Variants in ITCH observed in about 807,000 individuals in gnomAD.
The protein encoded by ITCH is itchy E3 ubiquitin protein ligase.
A neutral mutation model predicts 126.8 loss-of-function variants in ITCH; 28 were observed. The observed-to-expected ratio is 0.22, with a 90% CI of 0.16 to 0.30. The LOEUF (loss-of-function observed/expected upper bound fraction) is 0.30, where lower values mean the gene tolerates loss of function less well. Ranked by LOEUF, ITCH falls within the 10% of genes least tolerant of loss-of-function variation. The pLI is 1.00. For missense variants in ITCH, 631 were observed against 1,032.4 expected (o/e 0.61, Z 5.33); for synonymous variants, 342 against 340.0 (o/e 1.01, Z -0.06).
intron 2 of ITCH, among the ~76,000 whole-genome samples, chr20:34,373,651 C>T (rs1269545308): frequency 1.3e-5 from 2 of 152,058 alleles, no homozygotes; most frequent in Non-Finnish European, 2.9e-5. Context: ...CCTCCAGCAA[C>T]TCGCATTTTT....
At chr20:34,381,545 G>C (rs1390925323) in intron 2 of ITCH, among the ~76,000 whole-genome samples, 3 of 151,898 alleles carry the variant, frequency 2.0e-5, no homozygotes, top group Admixed American at 6.6e-5. Flanking sequence ...TCCTGCCTCA[G>C]ACTCCCGGGT....
At chr20:34,381,862 T>A (rs1176848492) in intron 2 of ITCH, among the ~76,000 whole-genome samples, 10 of 146,734 alleles carry the variant, frequency 6.8e-5, no homozygotes, top group Middle Eastern at 3.5e-3. Flanking sequence ...AGTCCCTGTC[T>A]CTAAAAAAAA....
chr20:34,494,776 T>C (rs2146527576), intron 23 of ITCH, among the ~76,000 whole-genome samples: 1 of 151,270 alleles, frequency 6.6e-6, no homozygotes, highest in South Asian at 2.1e-4. Context: ...CTGGGCAATA[T>C]AGGGAAACCC....
At chr20:34,499,272 CTTTT>C (rs386393666) in intron 23 of ITCH, among the ~76,000 whole-genome samples, 244 of 22,788 alleles carry the variant, frequency 0.011, no homozygotes, top group African/African-American at 0.024. Flanking sequence ...CTGTGCCCAG[CTTTT>C]TTTTTTTTTT....
intron 12 of ITCH, chr20:34,450,914 T>C (rs1213996699): frequency 6.6e-6 from 1 of 152,208 alleles, no homozygotes; most frequent in Non-Finnish European, 1.5e-5. Context: ...AAAACACTTC[T>C]GTGAGTCAAA....
At chr20:34,431,421 A>G (rs1982273873) in intron 7 of ITCH, among the ~76,000 whole-genome samples, 1 of 152,112 alleles carries the variant, frequency 6.6e-6, no homozygotes, top group Non-Finnish European at 1.5e-5. Flanking sequence ...CTTTAAAAAA[A>G]GGAAGAAAGG....
At chr20:34,379,877 G>A (rs2037988335) in intron 2 of ITCH, among the ~76,000 whole-genome samples, 1 of 147,464 alleles carries the variant, frequency 6.8e-6, no homozygotes, top group Non-Finnish European at 1.5e-5. Flanking sequence ...GATTACAGGC[G>A]TGAACCACTG....
intron 20 of ITCH, among the ~76,000 whole-genome samples, chr20:34,483,234 G>A (rs964028227): frequency 3.3e-5 from 5 of 152,138 alleles, no homozygotes; most frequent in Admixed American, 6.6e-5. Context: ...ATTAACATTC[G>A]GGTCCTCATT....
At chr20:34,382,785 T>G (rs563828919) in intron 2 of ITCH, among the ~76,000 whole-genome samples, 1 of 147,198 alleles carries the variant, frequency 6.8e-6, no homozygotes, top group African/African-American at 2.5e-5. Flanking sequence ...GCCTTGTAGC[T>G]CAGGCTGGAG....
intron 3 of ITCH, among the ~76,000 whole-genome samples, chr20:34,395,052 T>C (rs557991380): frequency 6.6e-6 from 1 of 151,818 alleles, no homozygotes; most frequent in South Asian, 2.1e-4. Flanking sequence ...GCCAACATGG[T>C]GAAACCCCGT....
At chr20:34,365,026 C>G (rs1274452367) in intron 1 of ITCH, among the ~76,000 whole-genome samples, 1 of 151,698 alleles carries the variant, frequency 6.6e-6, no homozygotes, top group Non-Finnish European at 1.5e-5. Context: ...ATCGTGAAAC[C>G]CCGTCTCTAC....
chr20:34,459,659 A>C (rs1986328983), intron 13 of ITCH, among the ~76,000 whole-genome samples: 1 of 152,192 alleles, frequency 6.6e-6, no homozygotes, highest in Non-Finnish European at 1.5e-5. Flanking sequence ...TTTGTTCTGA[A>C]GGTATGGTTT....
chr20:34,410,227 G>T (rs929985612), intron 4 of ITCH, among the ~76,000 whole-genome samples: 1 of 151,950 alleles, frequency 6.6e-6, no homozygotes, highest in African/African-American at 2.4e-5. Flanking sequence ...AATTAGCTGG[G>T]TGTGGTGGTG....
At chr20:34,492,623 A>C (rs767168540) in intron 23 of ITCH, 26 bp downstream of exon 23, 1 of 1,439,262 alleles carries the variant, frequency 6.9e-7, no homozygotes. Flanking sequence ...CACTTTTCCT[A>C]TACAGAAAAT....
In ITCH at chr20:34,476,971, A is replaced by T. The variant is rs775301564; in HGVS notation, c.1570-801A>T. 3.4e-4 allele frequency among the ~76,000 whole-genome samples: 51 copies of T among 152,210 alleles called. 1 individual carries two copies. The highest frequency in any genetic ancestry group is 8.5e-4 in the Admixed American group (13 of 15,288). ...ATGAAGATGATCCTATTAACCACCT[A>T]TAGTGGGACACAAAATTTGAGTAGT... On this transcript the variant is annotated intron_variant, in intron 16 of 24. Coordinates refer to ENST00000374864, the MANE Select transcript of ITCH (RefSeq NM_031483.7).
rs147731442 is a variant in ITCH at position 34,504,529 on chromosome 20, C to A, written c.2489+126C>A. The A allele has an allele frequency of 6.4e-5, 45 of 708,440 alleles. No individual in the cohort carries two copies. The African/African-American group carries it at 7.9e-4, about 12-fold the overall frequency. 43.9% of individuals were successfully genotyped at this position (708,440 alleles called of 1,614,324 possible). On this transcript the variant is annotated intron_variant, in intron 24 of 24. Transcript: ENST00000374864. ...AGAATAGCACAGCCATCATAGCAAT[C>A]CAGTTTAAGAGCATTTTGTTCACCC...
intron 24 of ITCH, among the ~76,000 whole-genome samples, 195 bp downstream of exon 24, chr20:34,504,598 A>G (rs533402030): frequency 1.2e-4 from 16 of 132,598 alleles, no homozygotes; most frequent in African/African-American, 4.0e-4. Context: ...TCCTTTTTTC[A>G]CATCTGAATT....
intron 7 of ITCH, among the ~76,000 whole-genome samples, chr20:34,428,128 A>G (rs145499761): frequency 5.2e-4 from 79 of 152,304 alleles, no homozygotes; most frequent in Non-Finnish European, 9.3e-4. Context: ...CTTTTATTCC[A>G]GAGCACACAC....
chr20:34,472,977 A>G (rs1453604826), intron 16 of ITCH, among the ~76,000 whole-genome samples: 1 of 152,232 alleles, frequency 6.6e-6, no homozygotes, highest in Non-Finnish European at 1.5e-5. Context: ...GATGCAAAAC[A>G]TGATTAAACT....
Sources: gnomAD v4.1 joint callset for allele counts (sites outside exome capture counted in the v4.1 genomes callset) on GRCh38, gnomAD v4.1.1 for gene constraint, MANE v1.5 for transcripts, NCBI Gene and HGNC (gene_info 2026-07-23, HGNC 2026-07-21) for gene names.